Variants in OPCML observed in about 807,000 individuals in gnomAD.
OPCML encodes the protein opioid binding protein/cell adhesion molecule like, also known as opioid-binding protein/cell adhesion molecule.
OPCML carries 13 observed loss-of-function variants against 37.8 expected under a neutral mutation model. The ratio of observed to expected loss-of-function variants is 0.34; its 90% CI spans 0.22 to 0.55. OPCML has a LOEUF of 0.55. OPCML is among the 20% of genes least tolerant of loss of function. OPCML has a pLI of 0.91. For missense variants in OPCML, 341 were observed against 435.6 expected, an observed-to-expected ratio of 0.78 and a Z score of 1.93; for synonymous variants, 176 against 168.8, an observed-to-expected ratio of 1.04 and a Z score of -0.33.
chr11:132,439,834 C>T (rs1328925965), intron 4 of OPCML, among the ~76,000 whole-genome samples: 2 of 152,014 alleles, frequency 1.3e-5, no homozygotes, highest in African/African-American at 2.4e-5. Context: ...TTGCATTTAA[C>T]CAAACACATG....
At chr11:132,655,749 C>T (rs1299896542) in intron 3 of OPCML, among the ~76,000 whole-genome samples, 2 of 151,972 alleles carry the variant, frequency 1.3e-5, no homozygotes, top group Non-Finnish European at 2.9e-5. Flanking sequence ...TGGCTGCTTG[C>T]GCCAAAAGGA....
At chr11:133,026,258 A>G (rs1206344265) in intron 1 of OPCML, among the ~76,000 whole-genome samples, 1 of 152,212 alleles carries the variant, frequency 6.6e-6, no homozygotes. Context: ...CTTTGCACTC[A>G]AATGCATACA....
intron 1 of OPCML, among the ~76,000 whole-genome samples, chr11:133,116,196 T>C (rs1012457266): frequency 6.6e-6 from 1 of 152,154 alleles, no homozygotes. Context: ...CTTGAACTCC[T>C]GACATTGTGA....
chr11:133,461,828 T>A (rs1946866651), intron 1 of OPCML, among the ~76,000 whole-genome samples: 1 of 151,818 alleles, frequency 6.6e-6, no homozygotes. Context: ...GTCAATATAA[T>A]AATGATAAAG....
At chr11:132,906,948 A>G (rs1486149932) in intron 2 of OPCML, among the ~76,000 whole-genome samples, 2 of 152,210 alleles carry the variant, frequency 1.3e-5, no homozygotes, top group African/African-American at 4.8e-5. Flanking sequence ...ATGTTTATTT[A>G]GTCAACAAAA....
intron 1 of OPCML, among the ~76,000 whole-genome samples, chr11:133,394,891 T>G (rs898291124): frequency 6.6e-6 from 1 of 152,226 alleles, no homozygotes; most frequent in African/African-American, 2.4e-5. Context: ...TATATACCCA[T>G]AAATGGGATT....
chr11:132,816,360 G>C (rs563264947), intron 2 of OPCML, among the ~76,000 whole-genome samples: 1 of 152,068 alleles, frequency 6.6e-6, no homozygotes, highest in Non-Finnish European at 1.5e-5. Context: ...AAATATCTCC[G>C]AGGCATTATG....
intron 2 of OPCML, among the ~76,000 whole-genome samples, chr11:132,742,068 A>G (rs1370269204): frequency 6.6e-6 from 1 of 152,134 alleles, no homozygotes; most frequent in Non-Finnish European, 1.5e-5. Flanking sequence ...AAGCATTTTC[A>G]TAATTCAAAA....
intron 1 of OPCML, among the ~76,000 whole-genome samples, chr11:133,327,921 C>T (rs1314572437): frequency 6.6e-6 from 1 of 152,114 alleles, no homozygotes; most frequent in African/African-American, 2.4e-5. Context: ...TTTGAGAAGA[C>T]ACTTGGAGGT....
intron 1 of OPCML, among the ~76,000 whole-genome samples, chr11:133,364,679 A>T (rs2136731194): frequency 6.6e-6 from 1 of 152,348 alleles, no homozygotes; most frequent in African/African-American, 2.4e-5. Context: ...CATGTACTGA[A>T]AAATAAACAG....
intron 1 of OPCML, among the ~76,000 whole-genome samples, chr11:133,345,509 G>T (rs1480273022): frequency 2.0e-5 from 3 of 152,152 alleles, no homozygotes; most frequent in Non-Finnish European, 1.5e-5. Context: ...GAATCATCTA[G>T]CCTAGTCTTT....
intron 1 of OPCML, among the ~76,000 whole-genome samples, chr11:133,136,991 G>T (rs1290754860): frequency 1.3e-5 from 2 of 152,024 alleles, no homozygotes; most frequent in East Asian, 3.9e-4. Context: ...TGAAAAAATG[G>T]TTATGACGGA....
At chr11:132,952,077 T>C (rs1000090077) in intron 1 of OPCML, among the ~76,000 whole-genome samples, 2 of 152,230 alleles carry the variant, frequency 1.3e-5, no homozygotes, top group Non-Finnish European at 2.9e-5. Flanking sequence ...AGCTGTTCCA[T>C]GTGTATATTA....
chr11:132,574,244 G>GTTTTTTTTTTTTTTTTTT (rs147327153), intron 3 of OPCML, among the ~76,000 whole-genome samples: 1 of 129,782 alleles, frequency 7.7e-6, no homozygotes. Flanking sequence ...TAATCTTTGT[G>GTTTTTTTTTTTTTTTTTT]TTTTTTTTTT....
intron 4 of OPCML, among the ~76,000 whole-genome samples, chr11:132,501,518 A>G (rs1035254004): frequency 6.6e-6 from 1 of 152,040 alleles, no homozygotes; most frequent in Non-Finnish European, 1.5e-5. Context: ...TTTGCTGAAC[A>G]TTTTTGCTTT....
intron 1 of OPCML, among the ~76,000 whole-genome samples, chr11:133,130,463 T>C (rs1949586418): frequency 6.6e-6 from 1 of 152,098 alleles, no homozygotes; most frequent in Admixed American, 6.5e-5. Flanking sequence ...TCTAACATAA[T>C]ATGCACAAGA....
intron 1 of OPCML, among the ~76,000 whole-genome samples, chr11:133,487,436 C>A (rs1172437612): frequency 6.6e-6 from 1 of 152,150 alleles, no homozygotes; most frequent in African/African-American, 2.4e-5. Flanking sequence ...GTGATCAGGT[C>A]TCAGCTAAAA....
intron 2 of OPCML, among the ~76,000 whole-genome samples, chr11:132,765,311 A>G (rs1429799878): frequency 2.0e-5 from 3 of 151,746 alleles, no homozygotes; most frequent in Non-Finnish European, 4.4e-5. Flanking sequence ...TACAATCTGT[A>G]ACATAATTAC....
chr11:133,455,213 C>T (rs2136966301), intron 1 of OPCML, among the ~76,000 whole-genome samples: 1 of 152,288 alleles, frequency 6.6e-6, no homozygotes, highest in African/African-American at 2.4e-5. Flanking sequence ...TCTTAAAACA[C>T]CATGTCTCAA....
Sources: allele counts gnomAD v4.1 joint callset (sites outside exome capture counted in the v4.1 genomes callset), GRCh38; gene constraint gnomAD v4.1.1; transcripts MANE v1.5; gene names NCBI Gene and HGNC (gene_info 2026-07-23, HGNC 2026-07-21).